MAP2K4: variants seen among roughly 807,000 people sequenced by gnomAD.
MAP2K4 encodes dual specificity mitogen-activated protein kinase kinase 4.
In MAP2K4, 4 loss-of-function variants were observed where a neutral mutation model predicts 48.5. The observed-to-expected ratio is 0.08, with a 90% CI of 0.04 to 0.19. MAP2K4 has a LOEUF of 0.19. MAP2K4 is among the 10% of genes least tolerant of loss of function. The pLI, the probability that MAP2K4 is intolerant of heterozygous loss-of-function variation, is 1.00. For missense variants in MAP2K4, 258 were observed against 493.3 expected (o/e 0.52, Z 4.52); for synonymous variants, 166 against 173.1 (o/e 0.96, Z 0.32).
chr17:12,137,757 A>G (rs1026741985), intron 9 of MAP2K4, among the ~76,000 whole-genome samples: 1 of 152,174 alleles, frequency 6.6e-6, no homozygotes, highest in Non-Finnish European at 1.5e-5. Flanking sequence ...TTGAAAGTGA[A>G]GTCTCTTTAT....
chr17:12,120,322 C>T (rs1972644313), intron 7 of MAP2K4, among the ~76,000 whole-genome samples: 2 of 151,940 alleles, frequency 1.3e-5, no homozygotes, highest in South Asian at 2.1e-4. Context: ...TAGCCAGGCA[C>T]AGTGGCACAT....
chr17:12,095,386 T>C, intron 3 of MAP2K4, 189 bp from the exon 4 acceptor site: 1 of 657,758 alleles, frequency 1.5e-6, no homozygotes, highest in Non-Finnish European at 2.7e-6. Context: ...GTGCTGTTTG[T>C]TAAACTTTCT....
At chr17:12,119,925 A>G (rs1289345808) in intron 7 of MAP2K4, among the ~76,000 whole-genome samples, 1 of 152,198 alleles carries the variant, frequency 6.6e-6, no homozygotes, top group Non-Finnish European at 1.5e-5. Flanking sequence ...AAAATCAAAT[A>G]CCACATGTTC....
At chr17:12,065,274 T>G (rs62060995) in intron 2 of MAP2K4, among the ~76,000 whole-genome samples, 2 of 116,232 alleles carry the variant, frequency 1.7e-5, no homozygotes, top group East Asian at 5.0e-4. Flanking sequence ...TTATTATTAT[T>G]ATTATTATTA....
intron 3 of MAP2K4, among the ~76,000 whole-genome samples, chr17:12,088,750 A>G (rs567182154): frequency 6.6e-6 from 1 of 150,692 alleles, no homozygotes; most frequent in African/African-American, 2.4e-5. Context: ...GGATTTCTGC[A>G]TGGGTAATTA....
At chr17:12,128,734 C>T (rs923074771) in intron 8 of MAP2K4, among the ~76,000 whole-genome samples, 2 of 152,164 alleles carry the variant, frequency 1.3e-5, no homozygotes, top group African/African-American at 4.8e-5. Flanking sequence ...AGTCTAACCA[C>T]GATTATGGAC....
intron 4 of MAP2K4, among the ~76,000 whole-genome samples, chr17:12,098,199 G>T (rs1321488802): frequency 6.6e-6 from 1 of 152,056 alleles, no homozygotes; most frequent in Non-Finnish European, 1.5e-5. Context: ...TATTAAAATG[G>T]CCGGGCACGG....
At chr17:12,125,470 A>G (rs918312847) in intron 8 of MAP2K4, 99 bp downstream of exon 8, 3 of 909,110 alleles carry the variant, frequency 3.3e-6, no homozygotes, top group Middle Eastern at 2.2e-4. Flanking sequence ...GTTAAGAACT[A>G]TAATCACAGA....
At chr17:12,137,659 A>G (rs1053493189) in intron 9 of MAP2K4, among the ~76,000 whole-genome samples, 51 of 152,306 alleles carry the variant, frequency 3.3e-4, no homozygotes, top group African/African-American at 1.2e-3. Context: ...GAAATAAAGA[A>G]GGCAACTCTG....
chr17:12,132,386 G>A (rs1337810401), intron 9 of MAP2K4, among the ~76,000 whole-genome samples: 1 of 152,190 alleles, frequency 6.6e-6, no homozygotes, highest in African/African-American at 2.4e-5. Context: ...GCAGTATATA[G>A]CATCAGAGAA....
At chr17:12,063,047 G>A (rs150323751) in intron 2 of MAP2K4, among the ~76,000 whole-genome samples, 6 of 152,176 alleles carry the variant, frequency 3.9e-5, no homozygotes, top group African/African-American at 1.2e-4. Flanking sequence ...CATCTGGGAT[G>A]TGTGTTCTTC....
intron 1 of MAP2K4, among the ~76,000 whole-genome samples, chr17:12,037,234 A>T (rs1234369374): frequency 6.6e-6 from 1 of 152,138 alleles, no homozygotes; most frequent in Non-Finnish European, 1.5e-5. Flanking sequence ...AAGTATCCCT[A>T]ATTGTTTTTT....
At chr17:12,048,950 C>CAT (rs1334690230) in intron 1 of MAP2K4, among the ~76,000 whole-genome samples, 6 of 152,130 alleles carry the variant, frequency 3.9e-5, no homozygotes, top group African/African-American at 1.4e-4. Flanking sequence ...AGCCACCGTG[C>CAT]CTGACCTAAC....
chr17:12,030,244 A>G (rs1969391083), intron 1 of MAP2K4, among the ~76,000 whole-genome samples: 1 of 152,206 alleles, frequency 6.6e-6, no homozygotes, highest in Non-Finnish European at 1.5e-5. Flanking sequence ...AGAAAGTTAC[A>G]GAATTGCTAA....
chr17:12,028,710 A>C (rs1969337602), intron 1 of MAP2K4, among the ~76,000 whole-genome samples: 1 of 152,168 alleles, frequency 6.6e-6, no homozygotes, highest in South Asian at 2.1e-4. Flanking sequence ...TGTAGTTCAT[A>C]ATGCACTTTC....
At chr17:12,080,762 T>TG (rs1971163880) in intron 2 of MAP2K4, among the ~76,000 whole-genome samples, 2 of 152,192 alleles carry the variant, frequency 1.3e-5, no homozygotes, top group Admixed American at 1.3e-4. Flanking sequence ...TGGAATCATC[T>TG]GGGGGTCTTT....
At chr17:12,032,444 T>C (rs777193872) in intron 1 of MAP2K4, 1 of 410,314 alleles carries the variant, frequency 2.4e-6, no homozygotes, top group African/African-American at 2.0e-5. Context: ...CTTCCAAATA[T>C]TAAAAAAATT....
intron 1 of MAP2K4, among the ~76,000 whole-genome samples, chr17:12,038,581 T>C (rs74705345): frequency 1.0e-3 from 159 of 152,270 alleles, no homozygotes; most frequent in African/African-American, 3.2e-3. Flanking sequence ...ATGAATTAAA[T>C]CTAGAGCCTA....
intron 3 of MAP2K4, among the ~76,000 whole-genome samples, chr17:12,089,068 C>T (rs1049253459): frequency 8.6e-5 from 13 of 152,004 alleles, no homozygotes; most frequent in South Asian, 8.3e-4. Flanking sequence ...CACGCCACCA[C>T]GCCTGGCTAA....
Sources: gnomAD v4.1 joint callset for allele counts (sites outside exome capture counted in the v4.1 genomes callset) on GRCh38, gnomAD v4.1.1 for gene constraint, MANE v1.5 for transcripts, NCBI Gene and HGNC (gene_info 2026-07-23, HGNC 2026-07-21) for gene names.